The following RGPD2 variants were observed in gnomAD, a reference collection of about 807,000 sequenced individuals.
RGPD2 encodes RANBP2-like and GRIP domain-containing protein 2.
Under a neutral mutation model 36.0 loss-of-function variants are expected in RGPD2, and 2 were observed. The observed-to-expected ratio is 0.06, with a 90% CI of 0.02 to 0.17. The LOEUF (loss-of-function observed/expected upper bound fraction) is 0.17. RGPD2 is among the 10% of genes least tolerant of loss of function. The pLI is 1.00. For synonymous variants in RGPD2, 19 were observed against 163.8 expected, an observed-to-expected ratio of 0.12 and a Z score of 6.75; for missense variants, 40 against 464.3, an observed-to-expected ratio of 0.09 and a Z score of 8.40.
the RGPD2 span, among the ~76,000 whole-genome samples, chr2:87,924,410 A>C: frequency 6.7e-6 from 1 of 148,632 alleles, no homozygotes; most frequent in Non-Finnish European, 1.5e-5. Context: ...TGGTTGCAGA[A>C]TAGCGTTCGA....
the RGPD2 span, among the ~76,000 whole-genome samples, chr2:87,982,334 C>T: frequency 1.1e-5 from 1 of 91,118 alleles, no homozygotes; most frequent in East Asian, 3.4e-4. Context: ...TGGCATCATG[C>T]CTGGCCCACA....
the RGPD2 span, among the ~76,000 whole-genome samples, chr2:87,836,234 C>G: frequency 8.0e-6 from 1 of 125,640 alleles, no homozygotes; most frequent in African/African-American, 3.0e-5. Flanking sequence ...AGAGAAGAGA[C>G]AGACAAATAG....
At chr2:87,979,848 C>T in the RGPD2 span, among the ~76,000 whole-genome samples, 1 of 149,182 alleles carries the variant, frequency 6.7e-6, no homozygotes, top group South Asian at 2.2e-4. Context: ...TGCACTCCAG[C>T]CTAGGCGATA....
At chr2:87,977,771 A>AT in the RGPD2 span, among the ~76,000 whole-genome samples, 537 of 152,094 alleles carry the variant, frequency 3.5e-3, 1 homozygote, top group Non-Finnish European at 3.5e-3. Context: ...CATAGGCTTC[A>AT]TTTTTTTTCC....
intron 22 of RGPD2, chr2:87,771,396 T>TTG (rs1685109573): frequency 4.1e-5 from 1 of 24,352 alleles, no homozygotes; most frequent in Non-Finnish European, 7.7e-5. Context: ...TTTTTTTTTT[T>TTG]TTTTTTTTTT....
At chr2:87,934,859 A>G in the RGPD2 span, among the ~76,000 whole-genome samples, 2 of 149,130 alleles carry the variant, frequency 1.3e-5, no homozygotes, top group African/African-American at 4.9e-5. Context: ...ACACCCAAGT[A>G]TAACATTTTA....
chr2:87,984,526 G>A, the RGPD2 span, among the ~76,000 whole-genome samples: 1 of 149,092 alleles, frequency 6.7e-6, no homozygotes, highest in Non-Finnish European at 1.5e-5. Context: ...TATATAGAAG[G>A]TAACATCAAA....
chr2:87,943,916 T>C, the RGPD2 span, among the ~76,000 whole-genome samples: 1 of 152,084 alleles, frequency 6.6e-6, no homozygotes, highest in Non-Finnish European at 1.5e-5. Context: ...CAAAAGTTAG[T>C]TGGCTTCAAA....
chr2:87,952,439 A>G, the RGPD2 span, among the ~76,000 whole-genome samples: 1 of 152,176 alleles, frequency 6.6e-6, no homozygotes, highest in East Asian at 1.9e-4. Context: ...GCCATGAGAA[A>G]GAAAAATGAG....
At chr2:87,883,395 T>TA in the RGPD2 span, among the ~76,000 whole-genome samples, 42 of 146,362 alleles carry the variant, frequency 2.9e-4, no homozygotes, top group Middle Eastern at 3.5e-3. Context: ...TAGACAGAAA[T>TA]AAAAAAAAAG....
At chr2:87,873,069 C>T in the RGPD2 span, among the ~76,000 whole-genome samples, 5 of 152,332 alleles carry the variant, frequency 3.3e-5, no homozygotes, top group African/African-American at 1.2e-4. Flanking sequence ...TCAGCTCCCA[C>T]TTATAAGTGA....
the RGPD2 span, among the ~76,000 whole-genome samples, chr2:87,984,222 G>T: frequency 4.1e-4 from 62 of 152,232 alleles, no homozygotes; most frequent in African/African-American, 1.4e-3. Context: ...AAACACTGTG[G>T]TGAAATGGGC....
At chr2:87,822,622 T>C (rs1371925932) in intron 1 of RGPD2, among the ~76,000 whole-genome samples, 5 of 23,282 alleles carry the variant, frequency 2.1e-4, no homozygotes, top group Non-Finnish European at 1.7e-4. Context: ...TAGCCGGGCA[T>C]GGTGGCGCAC....
At chr2:87,836,344 A>AGG in the RGPD2 span, among the ~76,000 whole-genome samples, 3 of 151,072 alleles carry the variant, frequency 2.0e-5, no homozygotes, top group South Asian at 6.3e-4. Context: ...GAAGGAAGGA[A>AGG]AAAAAAGAAA....
chr2:87,922,162 G>A, the RGPD2 span, among the ~76,000 whole-genome samples: 6 of 151,050 alleles, frequency 4.0e-5, no homozygotes, highest in Non-Finnish European at 5.9e-5. Flanking sequence ...GCGTGGTGGC[G>A]TGCACCTGTA....
the RGPD2 span, among the ~76,000 whole-genome samples, chr2:87,922,018 G>A: frequency 6.6e-6 from 1 of 150,992 alleles, no homozygotes; most frequent in Non-Finnish European, 1.5e-5. Flanking sequence ...AGTAGGCCCG[G>A]CACGGTGGCT....
the RGPD2 span, chr2:87,972,804 G>A: frequency 6.2e-7 from 1 of 1,611,792 alleles, no homozygotes; most frequent in Non-Finnish European, 8.5e-7. Context: ...ACTGGCTGCT[G>A]CACCTACTAC....
At chr2:87,871,897 C>A in the RGPD2 span, among the ~76,000 whole-genome samples, 1 of 146,022 alleles carries the variant, frequency 6.8e-6, no homozygotes, top group African/African-American at 2.5e-5. Context: ...CAAAAATGTA[C>A]ATATGGATTC....
chr2:87,966,490 C>T, the RGPD2 span, among the ~76,000 whole-genome samples: 3 of 149,416 alleles, frequency 2.0e-5, no homozygotes, highest in Non-Finnish European at 3.0e-5. Context: ...ACCCTATGTC[C>T]CTGAGCTTAA....
Sources: allele counts gnomAD v4.1 joint callset (sites outside exome capture counted in the v4.1 genomes callset), GRCh38; gene constraint gnomAD v4.1.1; transcripts MANE v1.5; gene names NCBI Gene and HGNC (gene_info 2026-07-23, HGNC 2026-07-21).